The following PRR5 variants were observed in gnomAD, a reference collection of about 807,000 sequenced individuals.
PRR5 encodes the protein proline rich 5, also known as proline-rich protein 5.
A neutral mutation model predicts 30.6 loss-of-function variants in PRR5; 25 were observed. The ratio of observed to expected loss-of-function variants is 0.82; its 90% CI spans 0.60 to 1.14. The LOEUF (loss-of-function observed/expected upper bound fraction) is 1.14, where lower values mean the gene tolerates loss of function less well. Ranked by LOEUF, PRR5 falls within the 50% of genes most tolerant of loss-of-function variation. The probability of loss-of-function intolerance (pLI) is 0.00; values close to 1 mark genes in which losing one functional copy is unlikely to be tolerated. For missense variants in PRR5, 600 were observed against 547.1 expected, an observed-to-expected ratio of 1.10 and a Z score of -0.96; for synonymous variants, 286 against 247.1, an observed-to-expected ratio of 1.16 and a Z score of -1.48.
upstream of PRR5, among the ~76,000 whole-genome samples, chr22:44,672,942 G>A (rs753632814): frequency 1.3e-5 from 2 of 152,232 alleles, no homozygotes; most frequent in East Asian, 3.8e-4. Flanking sequence ...CAGCATGCGC[G>A]AAGGTCAGGA....
intron 1 of PRR5, among the ~76,000 whole-genome samples, chr22:44,685,074 A>G (rs1924626746): frequency 6.6e-6 from 1 of 152,166 alleles, no homozygotes; most frequent in African/African-American, 2.4e-5. Context: ...CACTCACCCT[A>G]CAACCCGGGC....
intron 7 of PRR5, 50 bp downstream of exon 7, chr22:44,735,212 C>T (rs12159593): frequency 0.013 from 19,610 of 1,566,146 alleles, 219 homozygotes; most frequent in South Asian, 0.034. Flanking sequence ...CCACGGGCCC[C>T]ATCCATTGTG....
intron 4 of PRR5, chr22:44,729,758 T>C: frequency 1.0e-6 from 1 of 985,480 alleles, no homozygotes; most frequent in Non-Finnish European, 1.2e-6. Context: ...AGCTGGGGCC[T>C]GGATTCTGTT....
chr22:44,686,227 G>C (rs975724579), intron 1 of PRR5, among the ~76,000 whole-genome samples: 1 of 151,544 alleles, frequency 6.6e-6, no homozygotes, highest in Non-Finnish European at 1.5e-5. Context: ...CTCCAGCCTG[G>C]GCGACAGAGT....
intron 2 of PRR5, among the ~76,000 whole-genome samples, chr22:44,723,066 A>C (rs1351397721): frequency 6.6e-6 from 1 of 151,260 alleles, no homozygotes; most frequent in Non-Finnish European, 1.5e-5. Context: ...GCCCGCTGCA[A>C]CCTCCGCCTC....
intron 1 of PRR5, among the ~76,000 whole-genome samples, chr22:44,689,444 C>T (rs572468302): frequency 1.3e-5 from 2 of 152,240 alleles, no homozygotes; most frequent in East Asian, 3.9e-4. Flanking sequence ...GTGGGAACCA[C>T]AGCTACGAGA....
intron 3 of PRR5, among the ~76,000 whole-genome samples, chr22:44,725,974 C>G (rs1920937915): frequency 6.6e-6 from 1 of 152,200 alleles, no homozygotes; most frequent in Non-Finnish European, 1.5e-5. Flanking sequence ...CAATTCTGTA[C>G]ATTTCATATT....
upstream of PRR5, among the ~76,000 whole-genome samples, chr22:44,699,430 C>T (rs1926057462): frequency 6.6e-6 from 1 of 152,276 alleles, no homozygotes; most frequent in Non-Finnish European, 1.5e-5. Context: ...GGATCCCTGG[C>T]GGTTCTGCTT....
upstream of PRR5, among the ~76,000 whole-genome samples, chr22:44,697,533 C>T (rs1925866613): frequency 6.6e-6 from 1 of 152,244 alleles, no homozygotes; most frequent in Non-Finnish European, 1.5e-5. Context: ...GGCTGCTCCT[C>T]AGGGGGCAGA....
At chr22:44,736,162 C>T (rs1050690787) in intron 7 of PRR5, among the ~76,000 whole-genome samples, 16 of 152,346 alleles carry the variant, frequency 1.1e-4, no homozygotes, top group African/African-American at 3.6e-4. Context: ...CCACGTCTAC[C>T]CTCAGCCCCC....
intron 1 of PRR5, among the ~76,000 whole-genome samples, chr22:44,682,110 C>CA (rs1924346362): frequency 6.6e-6 from 1 of 152,200 alleles, no homozygotes; most frequent in Admixed American, 6.5e-5. Flanking sequence ...GAGATGTCCT[C>CA]AGGAGAGGAG....
At chr22:44,676,157 G>A (rs1332930504), upstream of PRR5, among the ~76,000 whole-genome samples, 3 of 151,970 alleles carry the variant, frequency 2.0e-5, no homozygotes, top group African/African-American at 4.8e-5. Context: ...GTCAAGGCGG[G>A]CAGATCACTT....
intron 4 of PRR5, chr22:44,730,401 C>T (rs1921728391): frequency 8.1e-6 from 8 of 985,338 alleles, no homozygotes; most frequent in South Asian, 4.7e-5. Context: ...TCCCTGGACC[C>T]AGCAGCCCTC....
At chr22:44,725,128 G>A in intron 2 of PRR5, 116 bp from the exon 3 acceptor site, 4 of 1,481,712 alleles carry the variant, frequency 2.7e-6, no homozygotes, top group Non-Finnish European at 3.7e-6. Context: ...CATGTTTTTG[G>A]GCTGGCTGAG....
chr22:44,728,045 C>T (rs969709618), intron 4 of PRR5, among the ~76,000 whole-genome samples: 4 of 152,204 alleles, frequency 2.6e-5, no homozygotes, highest in African/African-American at 9.6e-5. Flanking sequence ...CTAGGGGAGC[C>T]GGGGCTCTCG....
chr22:44,710,397 G>A (rs1411170204), intron 1 of PRR5, among the ~76,000 whole-genome samples: 1 of 152,160 alleles, frequency 6.6e-6, no homozygotes, highest in Non-Finnish European at 1.5e-5. Flanking sequence ...GCCTGCTGGG[G>A]CTGGGGGGGC....
upstream of PRR5, among the ~76,000 whole-genome samples, chr22:44,675,920 GT>G (rs887111443): frequency 4.7e-4 from 72 of 151,912 alleles, no homozygotes; most frequent in African/African-American, 1.7e-3. Context: ...CTGATGTTCG[GT>G]TTCCCCCAAA....
chr22:44,708,170 A>C (rs1159685258), intron 1 of PRR5, among the ~76,000 whole-genome samples: 5 of 152,178 alleles, frequency 3.3e-5, no homozygotes, highest in Non-Finnish European at 7.4e-5. Flanking sequence ...ACTGCACTCC[A>C]GCCTAGGTGA....
At chr22:44,730,205 C>T (rs922219051) in intron 4 of PRR5, 2 of 985,256 alleles carry the variant, frequency 2.0e-6, no homozygotes, top group East Asian at 2.3e-4. Flanking sequence ...GGCAAAGGTC[C>T]CTGTTCAGCC....
Sources: allele counts gnomAD v4.1 joint callset (sites outside exome capture counted in the v4.1 genomes callset), GRCh38; gene constraint gnomAD v4.1.1; transcripts MANE v1.5; gene names NCBI Gene and HGNC (gene_info 2026-07-23, HGNC 2026-07-21).